ACSL3: variants seen among roughly 807,000 people sequenced by gnomAD.
ACSL3 encodes acyl-CoA synthetase long chain family member 3.
ACSL3 carries 34 observed loss-of-function variants against 84.7 expected under a neutral mutation model. That is an observed-to-expected ratio of 0.40 (90% CI 0.31 to 0.53). ACSL3 has a LOEUF of 0.53. Ranked by LOEUF, ACSL3 falls within the 20% of genes least tolerant of loss-of-function variation. ACSL3 has a pLI of 0.48. For synonymous variants in ACSL3, 315 were observed against 299.4 expected (o/e 1.05, Z -0.54); for missense variants, 680 against 873.1 (o/e 0.78, Z 2.79).
At chr2:222,862,527 C>G (rs990560794) in intron 1 of ACSL3, among the ~76,000 whole-genome samples, 3 of 150,518 alleles carry the variant, frequency 2.0e-5, no homozygotes, top group South Asian at 2.1e-4. Context: ...TGATGAGTTG[C>G]TCCTGAAAGT....
At chr2:222,899,132 T>C (rs1319579540) in intron 2 of ACSL3, among the ~76,000 whole-genome samples, 1 of 152,134 alleles carries the variant, frequency 6.6e-6, no homozygotes, top group Non-Finnish European at 1.5e-5. Context: ...GATGTAAAAA[T>C]TAGGTAAACA....
intron 2 of ACSL3, among the ~76,000 whole-genome samples, chr2:222,894,298 A>G (rs1695916723): frequency 6.6e-6 from 1 of 152,168 alleles, no homozygotes; most frequent in African/African-American, 2.4e-5. Flanking sequence ...CCTCTCAAAT[A>G]ATAGAGGTCA....
At chr2:222,872,268 G>A (rs1331666394) in intron 1 of ACSL3, among the ~76,000 whole-genome samples, 1 of 152,044 alleles carries the variant, frequency 6.6e-6, no homozygotes, top group Admixed American at 6.6e-5. Flanking sequence ...GGGATTACAG[G>A]TGCCCACCAC....
intron 12 of ACSL3, 135 bp downstream of exon 12, chr2:222,927,324 A>C: frequency 1.2e-6 from 1 of 827,124 alleles, no homozygotes; most frequent in Admixed American, 3.2e-5. Context: ...TCCAAGTACT[A>C]TGATCATTGA....
At chr2:222,903,848 A>T (rs530165625) in intron 3 of ACSL3, among the ~76,000 whole-genome samples, 2 of 152,184 alleles carry the variant, frequency 1.3e-5, no homozygotes, top group Non-Finnish European at 2.9e-5. Context: ...GTATTCAGTG[A>T]GCAGGTCAAT....
At chr2:222,870,007 A>T (rs1261472527) in intron 1 of ACSL3, among the ~76,000 whole-genome samples, 7 of 151,966 alleles carry the variant, frequency 4.6e-5, no homozygotes, top group Non-Finnish European at 7.4e-5. Context: ...TTGTTGCAGG[A>T]GGAGCTTTGA....
chr2:222,864,161 G>A lies in ACSL3; in HGVS notation c.-207+2903G>A, dbSNP rs1695080273. 2.6e-5 allele frequency among the ~76,000 whole-genome samples: 4 copies of A among 152,212 alleles called. No individual in the cohort carries two copies. The South Asian group carries it at 8.3e-4, about 31-fold the overall frequency. On this transcript the variant is annotated intron_variant, in intron 1 of 16. Coordinates refer to ENST00000357430, the MANE Select transcript of ACSL3 (RefSeq NM_004457.5). ...GACCTATGCAACTAAAGAGGTATGT[G>A]TGCTATTCACTGAGCTGGGGCTTAA...
chr2:222,886,438 G>A (rs1185768143), intron 1 of ACSL3, among the ~76,000 whole-genome samples: 2 of 152,116 alleles, frequency 1.3e-5, no homozygotes, highest in African/African-American at 2.4e-5. Context: ...AGGTCTGTCC[G>A]TTTTTACAAA....
At chr2:222,873,705 T>C (rs563143547) in intron 1 of ACSL3, among the ~76,000 whole-genome samples, 1 of 152,368 alleles carries the variant, frequency 6.6e-6, no homozygotes, top group Admixed American at 6.5e-5. Flanking sequence ...TCCCATGTTA[T>C]TGAATGTTTT....
In ACSL3 at chr2:222,912,702, T is replaced by A. The variant is rs1047773694; in HGVS notation, c.378+3552T>A. ...CTATTTTGAGGTCCTGAGGGGAGGA[T>A]GAGTGGATGAAAAAAGGCAGTGGCG... On this transcript the variant is annotated intron_variant, in intron 4 of 16. Coordinates refer to ENST00000357430, the MANE Select transcript of ACSL3 (RefSeq NM_004457.5). Among the ~76,000 whole-genome samples the A allele has an allele frequency of 2.6e-5, 4 of 152,056 alleles. No individual in the cohort carries two copies. In the East Asian group the frequency reaches 7.7e-4, roughly 29 times the overall value.
intron 1 of ACSL3, among the ~76,000 whole-genome samples, chr2:222,864,031 G>A (rs1051419589): frequency 9.2e-5 from 14 of 151,726 alleles, no homozygotes; most frequent in Non-Finnish European, 1.5e-4. Flanking sequence ...AGCCATATAT[G>A]ATAAACAGAA....
At chr2:222,862,549 G>A (rs1695040618) in intron 1 of ACSL3, among the ~76,000 whole-genome samples, 3 of 152,288 alleles carry the variant, frequency 2.0e-5, no homozygotes, top group African/African-American at 7.2e-5. Context: ...TATTAGAAGG[G>A]TATTATAGGG....
At chr2:222,941,440 C>A in intron 16 of ACSL3, 57 bp from the exon 17 acceptor site, 6 of 1,463,540 alleles carry the variant, frequency 4.1e-6, no homozygotes, top group South Asian at 2.7e-5. Context: ...GGAAGTTACA[C>A]CATTTGCTAA....
intron 11 of ACSL3, among the ~76,000 whole-genome samples, chr2:222,925,030 CA>C (rs55727337): frequency 0.83 from 113,381 of 137,254 alleles, 46,785 homozygotes; most frequent in East Asian, 0.96. Flanking sequence ...GAATCCGTCT[CA>C]AAAAAAAAAA....
chr2:222,903,011 C>T (rs780985405), intron 3 of ACSL3, among the ~76,000 whole-genome samples: 8 of 152,014 alleles, frequency 5.3e-5, no homozygotes, highest in Non-Finnish European at 1.0e-4. Context: ...CAGCCTCTAT[C>T]AATATGGTAC....
intron 1 of ACSL3, among the ~76,000 whole-genome samples, chr2:222,863,163 A>C (rs1227658574): frequency 6.6e-6 from 1 of 152,234 alleles, no homozygotes; most frequent in Non-Finnish European, 1.5e-5. Flanking sequence ...CAAGAAGCAA[A>C]TGGTCATACA....
At chr2:222,937,264 C>T (rs1381573341) in intron 16 of ACSL3, among the ~76,000 whole-genome samples, 2 of 151,876 alleles carry the variant, frequency 1.3e-5, no homozygotes, top group South Asian at 2.1e-4. Context: ...ATTGATTTTT[C>T]GTGTTGATTT....
At chr2:222,895,348 GCT>G (rs1302904956) in intron 2 of ACSL3, among the ~76,000 whole-genome samples, 1 of 152,060 alleles carries the variant, frequency 6.6e-6, no homozygotes, top group Non-Finnish European at 1.5e-5. Flanking sequence ...CAGAGGTGTG[GCT>G]CTCTTCTGCA....
chr2:222,878,369 C>T (rs977004401), intron 1 of ACSL3, among the ~76,000 whole-genome samples: 1 of 152,156 alleles, frequency 6.6e-6, no homozygotes, highest in African/African-American at 2.4e-5. Flanking sequence ...ATTGTGAAGG[C>T]AGGAAAGCGA....
Sources: allele counts gnomAD v4.1 joint callset (sites outside exome capture counted in the v4.1 genomes callset), GRCh38; gene constraint gnomAD v4.1.1; transcripts MANE v1.5; gene names NCBI Gene and HGNC (gene_info 2026-07-23, HGNC 2026-07-21).